Variants in CCDC9 observed in about 807,000 individuals in gnomAD.
CCDC9 encodes the protein coiled-coil domain containing 9.
CCDC9 carries 52 observed loss-of-function variants against 65.6 expected under a neutral mutation model. That is an observed-to-expected ratio of 0.79 (90% confidence interval 0.63 to 1.00). The LOEUF (loss-of-function observed/expected upper bound fraction) is 1.00. CCDC9 is among the 50% of genes least tolerant of loss of function. The pLI is 0.00. For synonymous variants in CCDC9, 332 were observed against 280.3 expected, an observed-to-expected ratio of 1.18 and a Z score of -1.84; for missense variants, 834 against 757.2, an observed-to-expected ratio of 1.10 and a Z score of -1.19.
Position 47,271,706 on chromosome 19 carries a change from TGTGTGTGTGTGTGTGTGTGTGTGTGTGC to T in CCDC9, c.*30_*57del, listed in dbSNP as rs1568642726. ...CTGGCTGCCTGTGTGTGTGTGTGTG[TGTGTGTGTGTGTGTGTGTGTGTGTGTGC>T]GCGCGCGCGCGCGCGCGCGCGCGCG... is the stretch of plus-strand genomic sequence containing the variant. On this transcript the variant is annotated 3_prime_UTR_variant, in exon 12 of 12. Coordinates refer to ENST00000221922, the MANE Select transcript of CCDC9 (RefSeq NM_015603.3). The T allele has an allele frequency of 1.4e-5, 19 of 1,333,612 alleles. No individual in the cohort carries two copies. The South Asian group carries it at 2.7e-4, about 19-fold the overall frequency. 82.6% of individuals were successfully genotyped at this position (1,333,612 alleles called of 1,614,324 possible). A position where few individuals can be genotyped will look rare whatever the true frequency, so the allele number is the denominator to read the frequency against.
rs532733417 is a variant in CCDC9 at position 47,257,170 on chromosome 19, C to T, written c.-72+561C>T. 1.2e-3 allele frequency among the ~76,000 whole-genome samples: 179 copies of T among 150,444 alleles called. 1 individual carries two copies. Among genetic ancestry groups the T allele is most frequent in the African/African-American group, 3.0e-3 (124 of 40,810 alleles). On this transcript the variant is annotated intron_variant, in intron 1 of 11. Transcript: ENST00000221922. ...GGGAAGCGGGGAGTTGAGCCAGAAC[C>T]CTGGGGAAGCCATGGGCGGGGCCAG...
chr19:47,275,384 C>T (rs987706439), downstream of CCDC9: 15 of 1,526,462 alleles, frequency 9.8e-6, no homozygotes, highest in Admixed American at 2.0e-5. Flanking sequence ...CGCCAGCCCT[C>T]GAGAGCTCTG....
chr19:47,271,563 G>T lies in CCDC9; in HGVS notation c.1481G>T (p.Ser494Ile). The change falls in exon 12 of 12, where the codon AGC (serine) becomes ATC (isoleucine). Residue 494 changes from serine (S) to isoleucine (I), a missense_variant. Transcript: ENST00000221922. ...CCTTCCAGCCCTTTCTCACCACCCA[G>T]CGGCCACCAGCCTGTGTCCGATTGG... ...GTPSSPFSPP[S>I]GHQPVSDWGE... The T allele has an allele frequency of 6.2e-7, 1 of 1,613,256 alleles. No homozygotes were observed. Among genetic ancestry groups the T allele is most frequent in the Non-Finnish European group, 8.5e-7 (1 of 1,179,968 alleles).
chr19:47,270,395 T>C lies in CCDC9; in HGVS notation c.903-12T>C, dbSNP rs1353114855. 2 of 1,613,926 alleles carry C rather than the reference T, an allele frequency of 1.2e-6. No homozygotes were observed. Among genetic ancestry groups the C allele is most frequent in the African/African-American group, 2.7e-5 (2 of 74,920 alleles). ...CCCCCAGCTGCCCGCTCACCCGTTA[T>C]CTTTCCCCCAGGTTCAAGGATGGCC... On this transcript the variant is annotated splice_polypyrimidine_tract_variant and intron_variant, in intron 8 of 11. Transcript: ENST00000221922.
At position 47,258,367 on chromosome 19, in the gene CCDC9, T is replaced by A; in HGVS notation, c.-34T>A. The A allele has an allele frequency of 6.2e-7, 1 of 1,613,196 alleles. No homozygotes were observed. On this transcript the variant is annotated 5_prime_UTR_variant, in exon 2 of 12. Transcript: ENST00000221922. The stretch of plus-strand genomic sequence containing the variant: ...CTGCGTCTAGATTCTGCAGGGGAGG[T>A]TTGCTGGGACCTTGGCTCCACGCAG...
At chr19:47,274,998 T>C, downstream of CCDC9, 2 of 1,471,950 alleles carry the variant, frequency 1.4e-6, no homozygotes, top group Non-Finnish European at 1.8e-6. Flanking sequence ...GCGGGGGCGC[T>C]GGCTGCGCTT....
intron 5 of CCDC9, 93 bp downstream of exon 5, chr19:47,260,932 G>A (rs2123448310): frequency 1.4e-6 from 2 of 1,425,654 alleles, no homozygotes; most frequent in East Asian, 2.4e-5. Flanking sequence ...TGTCCTGTGT[G>A]TCCATCTTTC....
At chr19:47,270,294 C>A in intron 8 of CCDC9, 113 bp from the exon 9 acceptor site, 3 of 1,004,682 alleles carry the variant, frequency 3.0e-6, no homozygotes, top group African/African-American at 1.6e-5. Context: ...TGTCCCCTGT[C>A]TGGTTGACCG....
At chr19:47,260,934 C>A (rs764246734) in intron 5 of CCDC9, 95 bp downstream of exon 5, 27 of 1,406,610 alleles carry the variant, frequency 1.9e-5, no homozygotes, top group Non-Finnish European at 2.3e-5. Flanking sequence ...TCCTGTGTGT[C>A]CATCTTTCAG....
At position 47,264,815 on chromosome 19, in the gene CCDC9, G is replaced by A. The variant is rs377289724; in HGVS notation, c.589G>A (p.Asp197Asn). 4 of 1,566,398 alleles carry A rather than the reference G, an allele frequency of 2.6e-6. No homozygotes were observed. The highest frequency in any genetic ancestry group is 2.3e-5 in the East Asian group (1 of 44,316). The change falls in exon 7 of 12, where the codon GAC becomes AAC. Residue 197 changes from aspartate to asparagine, a missense_variant. By Grantham distance (23) the Asp-to-Asn change is conservative (BLOSUM62 1). Transcript: ENST00000221922. ...CAACCCAGTGCGGAACTTCCTGGACGACCCCCGGCGACGCAGCGGGCCCCT... is the reference window on the plus strand; with the variant it reads ...CAACCCAGTGCGGAACTTCCTGGACAACCCCCGGCGACGCAGCGGGCCCCT... ...EPNPVRNFLD[D>N]PRRRSGPLEE... is the part of the protein sequence containing the mutation.
At chr19:47,273,716 T>C, downstream of CCDC9, 1 of 369,238 alleles carries the variant, frequency 2.7e-6, no homozygotes. Context: ...CGAGCCAGTC[T>C]TCAGGCCGAA....
intron 5 of CCDC9, among the ~76,000 whole-genome samples, chr19:47,261,711 CAAAAAAAAAA>C (rs758107358): frequency 4.0e-5 from 2 of 50,158 alleles, no homozygotes; most frequent in Non-Finnish European, 6.9e-5. Context: ...GACTCTGTAT[CAAAAAAAAAA>C]AAAAAAAAAA....
rs114590047 is a variant in CCDC9, at chr19:47,269,896, G to A, written c.903-511G>A. Among the ~76,000 whole-genome samples the A allele has an allele frequency of 5.7e-3, 864 of 152,098 alleles. 10 individuals are homozygous for A. The highest frequency in any genetic ancestry group is 0.019 in the African/African-American group (770 of 41,506). ...GATCCCCCCAAATTTTTGTTTTGGC[G>A]CCCACATTCTGAATCTTTTTGTATT... On this transcript the variant is annotated intron_variant, in intron 8 of 11. Transcript: ENST00000221922.
downstream of CCDC9, chr19:47,273,979 C>T (rs2059140712): frequency 7.1e-6 from 7 of 984,850 alleles, no homozygotes; most frequent in Non-Finnish European, 8.4e-6. Flanking sequence ...TCCCCGAATT[C>T]CTGAAGACGC....
chr19:47,270,341 C>T (rs769350196), intron 8 of CCDC9, 66 bp from the exon 9 acceptor site: 176 of 1,504,298 alleles, frequency 1.2e-4, no homozygotes, highest in Non-Finnish European at 1.6e-4. Context: ...TGACCTCTCC[C>T]ATCTTCTTGA....
chr19:47,269,582 G>A (rs992320836), intron 8 of CCDC9, among the ~76,000 whole-genome samples: 6 of 152,062 alleles, frequency 3.9e-5, no homozygotes, highest in Non-Finnish European at 7.4e-5. Flanking sequence ...CAGGTGATCC[G>A]CCCACCTGGA....
intron 5 of CCDC9, among the ~76,000 whole-genome samples, chr19:47,261,107 T>C (rs75545337): frequency 6.6e-6 from 1 of 152,038 alleles, no homozygotes; most frequent in African/African-American, 2.4e-5. Flanking sequence ...GCTCCCCGTC[T>C]TCTTGTTCCT....
chr19:47,267,122 G>A (rs1433756425), intron 8 of CCDC9, among the ~76,000 whole-genome samples: 2 of 151,742 alleles, frequency 1.3e-5, no homozygotes, highest in Non-Finnish European at 2.9e-5. Flanking sequence ...CCGCCACCAC[G>A]TCCAACTAAT....
intron 8 of CCDC9, among the ~76,000 whole-genome samples, chr19:47,269,881 A>C (rs1258403835): frequency 2.0e-5 from 3 of 151,968 alleles, no homozygotes; most frequent in Non-Finnish European, 4.4e-5. Flanking sequence ...GATCCCCCCA[A>C]ATTTTTGTTT....
Sources: allele counts gnomAD v4.1 joint callset (sites outside exome capture counted in the v4.1 genomes callset), GRCh38; gene constraint gnomAD v4.1.1; transcripts MANE v1.5; gene names NCBI Gene and HGNC (gene_info 2026-07-23, HGNC 2026-07-21).